Variants in CREBBP observed in about 807,000 individuals in gnomAD.
CREBBP encodes the protein CREB-binding protein.
Under a neutral mutation model 265.0 loss-of-function variants are expected in CREBBP, and 19 were observed. That is an observed-to-expected ratio of 0.07 (90% CI 0.05 to 0.11). The LOEUF (loss-of-function observed/expected upper bound fraction) is 0.11. Among genes scored for constraint, CREBBP ranks in the 10% least tolerant of loss-of-function variants. The pLI, the probability that CREBBP is intolerant of heterozygous loss-of-function variation, is 1.00. For synonymous variants in CREBBP, 1,457 were observed against 1,223.7 expected (o/e 1.19, Z -3.98); for missense variants, 2,525 against 3,219.0 (o/e 0.78, Z 5.22).
chr16:3,796,061 C>T (rs895088912), intron 3 of CREBBP, among the ~76,000 whole-genome samples: 1 of 151,986 alleles, frequency 6.6e-6, no homozygotes, highest in African/African-American at 2.4e-5. Flanking sequence ...CCTTTTTTTA[C>T]TCCTGACACT....
intron 3 of CREBBP, among the ~76,000 whole-genome samples, chr16:3,806,166 C>T (rs930164861): frequency 6.6e-6 from 1 of 152,162 alleles, no homozygotes; most frequent in East Asian, 1.9e-4. Context: ...CATGGCTTGC[C>T]GCTCAGGTGC....
intron 27 of CREBBP, 194 bp from the exon 28 acceptor site, chr16:3,736,397 G>T: frequency 1.3e-6 from 1 of 753,190 alleles, no homozygotes; most frequent in African/African-American, 1.7e-5. Flanking sequence ...CCCTATGTGT[G>T]CAACAGTGAT....
Position 3,731,737 on chromosome 16 carries a change from G to A in CREBBP, c.4890+39C>T, listed in dbSNP as rs768025184. 2.7e-5 allele frequency: 44 copies of A among 1,613,322 alleles called. No individual in the cohort carries two copies. The Admixed American group carries it at 4.0e-4, about 15-fold the overall frequency. On this transcript the variant is annotated intron_variant, in intron 29 of 30. Transcript: ENST00000262367. The surrounding 1 kb of genome is among the most constrained non-coding windows in gnomAD (Gnocchi z 7.7). ...CAGCTGCGAGTCTTTCCCTCCTCCC[G>A]GCCAGAGGCACGGCTGCAGCACCGC...
intron 16 of CREBBP, among the ~76,000 whole-genome samples, chr16:3,763,987 G>A (rs1182061529): frequency 6.6e-6 from 1 of 151,756 alleles, no homozygotes; most frequent in Non-Finnish European, 1.5e-5. Context: ...TGGGACTACA[G>A]GCGCATGCTG....
intron 27 of CREBBP, 187 bp downstream of exon 27, chr16:3,736,463 G>A (rs749346262): frequency 1.3e-5 from 12 of 889,124 alleles, no homozygotes; most frequent in Admixed American, 4.3e-5. Context: ...GCTCTCAGAC[G>A]GCCAGGGGAA....
chr16:3,743,033 A>G (rs2052254859), intron 23 of CREBBP: 1 of 152,120 alleles, frequency 6.6e-6, no homozygotes, highest in African/African-American at 2.4e-5. Flanking sequence ...AGAACTTCCA[A>G]TTTGCTCAAA....
Position 3,826,667 on chromosome 16 carries a change from T to G in CREBBP, c.799-15888A>C, listed in dbSNP as rs545559659. Among the ~76,000 whole-genome samples the G allele has an allele frequency of 2.6e-5, 4 of 152,268 alleles. No homozygotes were observed. The East Asian group carries it at 5.8e-4, about 22-fold the overall frequency. ...GGCATCCTATAATACACCTGACTCG[T>G]TCTCCTCAAAACTGTCAAGGTCATT... On this transcript the variant is annotated intron_variant, in intron 2 of 30. Coordinates refer to ENST00000262367, the MANE Select transcript of CREBBP (RefSeq NM_004380.3).
chr16:3,861,681 A>G (rs2055077479), intron 1 of CREBBP, among the ~76,000 whole-genome samples: 1 of 151,592 alleles, frequency 6.6e-6, no homozygotes, highest in South Asian at 2.1e-4. Flanking sequence ...GAAAGAGAAA[A>G]GCTGTTTTAT....
At chr16:3,878,061 A>AT (rs2055440582) in intron 1 of CREBBP, among the ~76,000 whole-genome samples, 1 of 152,248 alleles carries the variant, frequency 6.6e-6, no homozygotes, top group Admixed American at 6.5e-5. Context: ...ATATAAGGAC[A>AT]TGCCTTTTTG....
rs1211993071 is a variant in CREBBP at position 3,812,327 on chromosome 16, T to C, written c.799-1548A>G. On this transcript the variant is annotated intron_variant, in intron 2 of 30. Transcript: ENST00000262367. ...CTGAGTAGCTGGGATTATGGGCTCG[T>C]GCCATCACACCCAGCTAATTTTTGT... is the stretch of plus-strand genomic sequence containing the variant. 6.6e-5 allele frequency among the ~76,000 whole-genome samples: 10 copies of C among 152,000 alleles called. No individual in the cohort carries two copies. The East Asian group carries it at 1.9e-3, about 29-fold the overall frequency.
chr16:3,725,263 C>T lies in CREBBP; in HGVS notation c.*2455G>A, dbSNP rs569415301. The stretch of plus-strand genomic sequence containing the variant: ...AGACCATGCTCTCGGTCACATCCTT[C>T]GACATCTGGATTGCCCAAGACGGTT... On this transcript the variant is annotated 3_prime_UTR_variant, in exon 31 of 31. Transcript: ENST00000262367. 7 of 233,426 alleles carry T rather than the reference C, an allele frequency of 3.0e-5. No homozygotes were observed. The South Asian group carries it at 7.2e-4, about 24-fold the overall frequency. The allele number at this position is 233,426 out of a possible 1,614,324, so 14.5% of individuals were successfully genotyped here.
At position 3,731,107 on chromosome 16, in the gene CREBBP, C is replaced by T. The variant is rs2051902302; in HGVS notation, c.5172+85G>A. 2.8e-6 allele frequency: 4 copies of T among 1,451,712 alleles called. No homozygotes were observed. The highest frequency in any genetic ancestry group is 3.8e-6 in the Non-Finnish European group (4 of 1,056,852). 89.9% of individuals were successfully genotyped at this position (1,451,712 alleles called of 1,614,324 possible). A position where few individuals can be genotyped will look rare whatever the true frequency, so the allele number is the denominator to read the frequency against. On this transcript the variant is annotated intron_variant, in intron 30 of 30. Coordinates refer to ENST00000262367, the MANE Select transcript of CREBBP (RefSeq NM_004380.3). The surrounding 1 kb of genome is among the most constrained non-coding windows in gnomAD (Gnocchi z 7.7). ...GTGCAGCCACCATCAGGTACAGACA[C>T]CAACCCGGGCACCCATGCAAAGGGA...
At chr16:3,776,287 G>A (rs2053136835) in intron 11 of CREBBP, among the ~76,000 whole-genome samples, 1 of 152,074 alleles carries the variant, frequency 6.6e-6, no homozygotes, top group African/African-American at 2.4e-5. Context: ...TCTGGATAAT[G>A]TCACCACCTT....
chr16:3,859,831 GCC>G (rs1277487100), intron 1 of CREBBP, among the ~76,000 whole-genome samples: 4 of 152,190 alleles, frequency 2.6e-5, no homozygotes, highest in African/African-American at 9.7e-5. Context: ...CACACGCCTT[GCC>G]CTATCACCTG....
At chr16:3,843,463 T>C (rs1203067120) in intron 2 of CREBBP, among the ~76,000 whole-genome samples, 1 of 148,238 alleles carries the variant, frequency 6.7e-6, no homozygotes, top group East Asian at 2.0e-4. Flanking sequence ...ACTCTGTTGG[T>C]ATGCTTGATT....
At chr16:3,839,366 T>C (rs1406177683) in intron 2 of CREBBP, among the ~76,000 whole-genome samples, 2 of 152,112 alleles carry the variant, frequency 1.3e-5, no homozygotes, top group African/African-American at 2.4e-5. Context: ...TGCAATCTCA[T>C]TAAATTAAAA....
intron 16 of CREBBP, among the ~76,000 whole-genome samples, chr16:3,763,191 A>T (rs1223464446): frequency 6.7e-6 from 1 of 148,770 alleles, no homozygotes; most frequent in African/African-American, 2.5e-5. Context: ...TTTTGAGACG[A>T]GGTCTTCTGG....
At chr16:3,879,714 G>C in intron 1 of CREBBP, 118 bp downstream of exon 1, 4 of 1,092,000 alleles carry the variant, frequency 3.7e-6, no homozygotes, top group Non-Finnish European at 5.5e-6. Context: ...ACGGGCTGCG[G>C]GGCCTGCTCC....
rs2053307291 is a variant in CREBBP, at chr16:3,782,940, C to T, written c.1331-14G>A. ...ACCCCAGGATGGCTATAACGACAAA[C>T]AGACAGACAGACAAAAACGAGAGGT... On this transcript the variant is annotated splice_polypyrimidine_tract_variant and intron_variant, in intron 5 of 30. Transcript: ENST00000262367. 6.2e-7 allele frequency: 1 copy of T among 1,614,018 alleles called. No individual in the cohort carries two copies. Among genetic ancestry groups the T allele is most frequent in the Non-Finnish European group, 8.5e-7 (1 of 1,179,960 alleles).
Sources: gnomAD v4.1 joint callset for allele counts (sites outside exome capture counted in the v4.1 genomes callset) on GRCh38, gnomAD v4.1.1 for gene constraint, Gnocchi (gnomAD v3.1) non-coding constraint, MANE v1.5 for transcripts, NCBI Gene and HGNC (gene_info 2026-07-23, HGNC 2026-07-21) for gene names.